Variants in SUGCT observed in about 807,000 individuals in gnomAD.
SUGCT encodes the protein succinyl-CoA:glutarate CoA-transferase.
Under a neutral mutation model 55.0 loss-of-function variants are expected in SUGCT, and 41 were observed. The observed-to-expected ratio is 0.74, with a 90% CI of 0.58 to 0.97. SUGCT has a LOEUF of 0.97. Ranked by LOEUF, SUGCT falls within the 50% of genes least tolerant of loss-of-function variation. The pLI, the probability that SUGCT is intolerant of heterozygous loss-of-function variation, is 0.00. For missense variants in SUGCT, 568 were observed against 547.8 expected (o/e 1.04, Z -0.37); for synonymous variants, 187 against 200.4 (o/e 0.93, Z 0.56).
chr7:40,886,868 T>C, the SUGCT span, among the ~76,000 whole-genome samples: 2 of 152,324 alleles, frequency 1.3e-5, no homozygotes, highest in African/African-American at 4.8e-5. Context: ...AGTCTATTTA[T>C]ATGAGAAATC....
chr7:40,217,954 C>T (rs1284118712), intron 6 of SUGCT, among the ~76,000 whole-genome samples: 1 of 152,128 alleles, frequency 6.6e-6, no homozygotes, highest in Non-Finnish European at 1.5e-5. Flanking sequence ...TGGCTCACAC[C>T]TGTAATCCTA....
At chr7:40,193,609 T>G (rs1262890093) in intron 5 of SUGCT, among the ~76,000 whole-genome samples, 5 of 151,450 alleles carry the variant, frequency 3.3e-5, no homozygotes, top group African/African-American at 4.9e-5. Flanking sequence ...AAGATTTTTT[T>G]TTTTTTTGAA....
the SUGCT span, among the ~76,000 whole-genome samples, chr7:41,035,247 A>C: frequency 6.6e-6 from 1 of 152,250 alleles, no homozygotes; most frequent in African/African-American, 2.4e-5. Flanking sequence ...GGTGGTCTCC[A>C]GGAATCCAAA....
chr7:40,494,041 C>T (rs911276417), intron 11 of SUGCT, among the ~76,000 whole-genome samples: 9 of 152,158 alleles, frequency 5.9e-5, no homozygotes, highest in African/African-American at 2.2e-4. Context: ...CATTGTTTTC[C>T]ATAACATGAA....
chr7:40,652,621 C>A (rs1033286547), intron 12 of SUGCT, among the ~76,000 whole-genome samples: 3 of 152,164 alleles, frequency 2.0e-5, no homozygotes, highest in African/African-American at 7.2e-5. Flanking sequence ...CAGACATAGT[C>A]TGTTGATATT....
intron 13 of SUGCT, among the ~76,000 whole-genome samples, chr7:40,822,439 T>C (rs985273866): frequency 2.0e-5 from 3 of 152,162 alleles, no homozygotes; most frequent in Non-Finnish European, 4.4e-5. Flanking sequence ...TTTATGAATC[T>C]GGGTGCTCCT....
chr7:40,362,932 A>G (rs999489806), intron 9 of SUGCT, among the ~76,000 whole-genome samples: 4 of 152,192 alleles, frequency 2.6e-5, no homozygotes, highest in African/African-American at 9.6e-5. Flanking sequence ...AGAAGGAAAA[A>G]TGCAAACAAA....
At chr7:40,501,698 G>T (rs563579717) in intron 12 of SUGCT, among the ~76,000 whole-genome samples, 43 of 152,098 alleles carry the variant, frequency 2.8e-4, no homozygotes, top group Admixed American at 8.5e-4. Flanking sequence ...TCTTGTGTTT[G>T]GTATTTGGCA....
chr7:40,387,835 G>A (rs1024547622), intron 9 of SUGCT: 1 of 152,086 alleles, frequency 6.6e-6, no homozygotes, highest in African/African-American at 2.4e-5. Flanking sequence ...TTTACATCTT[G>A]GTGCTTTCTC....
At chr7:40,322,746 A>C (rs532220435) in intron 9 of SUGCT, among the ~76,000 whole-genome samples, 2 of 152,230 alleles carry the variant, frequency 1.3e-5, no homozygotes, top group South Asian at 4.1e-4. Flanking sequence ...TGAACTCAGG[A>C]GTTTGAGACC....
At chr7:40,140,409 T>C (rs1459728727) in intron 1 of SUGCT, among the ~76,000 whole-genome samples, 1 of 152,106 alleles carries the variant, frequency 6.6e-6, no homozygotes, top group Non-Finnish European at 1.5e-5. Context: ...TGTCTATTTA[T>C]TTATTTATTG....
At chr7:40,544,877 G>A (rs1262224310) in intron 12 of SUGCT, among the ~76,000 whole-genome samples, 2 of 152,120 alleles carry the variant, frequency 1.3e-5, no homozygotes, top group Non-Finnish European at 2.9e-5. Context: ...AGGAAGCATG[G>A]TCTATTTCCC....
intron 12 of SUGCT, chr7:40,499,448 G>A (rs1220514720): frequency 7.3e-5 from 14 of 190,926 alleles, no homozygotes; most frequent in Non-Finnish European, 1.1e-4. Flanking sequence ...TTGATTTTTC[G>A]ATTCAATCAA....
At chr7:40,138,054 T>TGG (rs946765139) in intron 1 of SUGCT, among the ~76,000 whole-genome samples, 6 of 152,120 alleles carry the variant, frequency 3.9e-5, no homozygotes, top group African/African-American at 1.2e-4. Flanking sequence ...TATATTGTAT[T>TGG]GGGGTGAAGT....
chr7:40,301,324 A>C (rs1239908116), intron 8 of SUGCT, among the ~76,000 whole-genome samples: 2 of 152,208 alleles, frequency 1.3e-5, no homozygotes, highest in African/African-American at 4.8e-5. Context: ...AATATAGGAG[A>C]ATATAAAATG....
rs540652699 is a variant in SUGCT, at chr7:40,425,215, T to C, written c.817-24072T>C. On this transcript the variant is annotated intron_variant, in intron 9 of 13. Coordinates refer to ENST00000335693, the MANE Select transcript of SUGCT (RefSeq NM_001193313.2). ...GAGGGCCTTCTTGTTTCTTACCTTA[T>C]AAAATGTCCTCATTTTAAATGTCTC... Among the ~76,000 whole-genome samples, 5 of 152,276 alleles carry C rather than the reference T, an allele frequency of 3.3e-5. No individual in the cohort carries two copies. In the South Asian group the frequency reaches 8.3e-4, roughly 25 times the overall value.
intron 7 of SUGCT, among the ~76,000 whole-genome samples, chr7:40,264,403 G>A (rs1562625869): frequency 2.0e-5 from 3 of 152,292 alleles, no homozygotes; most frequent in East Asian, 3.9e-4. Flanking sequence ...GTATGTGAAC[G>A]TCTGTAAGCA....
At chr7:40,141,119 T>G (rs565871070) in intron 1 of SUGCT, among the ~76,000 whole-genome samples, 1 of 152,286 alleles carries the variant, frequency 6.6e-6, no homozygotes, top group South Asian at 2.1e-4. Context: ...TAAATGGGAC[T>G]GCCTTCTTGG....
chr7:40,243,970 C>G (rs145168879), intron 7 of SUGCT, among the ~76,000 whole-genome samples: 93 of 152,084 alleles, frequency 6.1e-4, no homozygotes, highest in African/African-American at 2.1e-3. Context: ...GTTAGGAGTT[C>G]GAGACCAGCC....
Sources: gnomAD v4.1 joint callset for allele counts (sites outside exome capture counted in the v4.1 genomes callset) on GRCh38, gnomAD v4.1.1 for gene constraint, MANE v1.5 for transcripts, NCBI Gene and HGNC (gene_info 2026-07-23, HGNC 2026-07-21) for gene names.